Variants in TSPEAR observed in about 807,000 individuals in gnomAD.
TSPEAR encodes thrombospondin type laminin G domain and EAR repeats.
Under a neutral mutation model 71.6 loss-of-function variants are expected in TSPEAR, and 69 were observed. The ratio of observed to expected loss-of-function variants is 0.96; its 90% CI spans 0.79 to 1.18. The LOEUF (loss-of-function observed/expected upper bound fraction) is 1.18, where lower values mean the gene tolerates loss of function less well. TSPEAR is among the 50% of genes most tolerant of loss of function. TSPEAR has a pLI of 0.00. For synonymous variants in TSPEAR, 402 were observed against 387.2 expected (o/e 1.04, Z -0.45); for missense variants, 971 against 894.9 (o/e 1.09, Z -1.09).
intron 2 of TSPEAR, chr21:44,538,972 A>G (rs1555916724): frequency 1.2e-5 from 6 of 505,052 alleles, no homozygotes. Flanking sequence ...AACACAACAG[A>G]AAAGAGAATC....
At chr21:44,666,861 C>T (rs782510388) in intron 1 of TSPEAR, 15 of 1,613,568 alleles carry the variant, frequency 9.3e-6, no homozygotes, top group Admixed American at 1.7e-5. Context: ...TGGCTGGCAG[C>T]CCGAGGAGCA....
At chr21:44,637,912 C>T (rs1452255785) in intron 1 of TSPEAR, 7 of 1,532,198 alleles carry the variant, frequency 4.6e-6, no homozygotes. Flanking sequence ...CTGGGGCTTC[C>T]ACTTCATGCT....
intron 2 of TSPEAR, among the ~76,000 whole-genome samples, chr21:44,566,094 C>T (rs934139146): frequency 3.3e-5 from 5 of 152,142 alleles, no homozygotes; most frequent in African/African-American, 9.7e-5. Flanking sequence ...GCGGGAGAAT[C>T]GCTTGAACCC....
At chr21:44,557,573 G>A (rs1037763229) in intron 2 of TSPEAR, among the ~76,000 whole-genome samples, 1 of 152,124 alleles carries the variant, frequency 6.6e-6, no homozygotes, top group Non-Finnish European at 1.5e-5. Flanking sequence ...GGGTGTGGGG[G>A]ATTCACAGAG....
At chr21:44,638,210 G>A in intron 1 of TSPEAR, 2 of 1,572,866 alleles carry the variant, frequency 1.3e-6, no homozygotes. Context: ...TTCCCACCAG[G>A]GGCTGACCTC....
chr21:44,711,000 T>C lies in TSPEAR; in HGVS notation c.82+433A>G, dbSNP rs1988191133. On this transcript the variant is annotated intron_variant, in intron 1 of 11. Transcript: ENST00000323084. This position sits in a 1 kb window ranked among gnomAD's most constrained non-coding sequence, Gnocchi z 4.6. ...GGAAGGAGCAGGGCCGGTGTGGCCC[T>C]TCGCTTTGCTGAGTGCAGGCTGGGG... Among the ~76,000 whole-genome samples, 1 of 152,206 alleles carries C rather than the reference T, an allele frequency of 6.6e-6. No homozygotes were observed. Among genetic ancestry groups the C allele is most frequent in the Non-Finnish European group, 1.5e-5 (1 of 68,034 alleles).
At chr21:44,525,517 C>T (rs898419106) in intron 8 of TSPEAR, 136 bp downstream of exon 8, 42 of 945,036 alleles carry the variant, frequency 4.4e-5, no homozygotes, top group South Asian at 1.5e-4. Flanking sequence ...CAGTGAGGAA[C>T]GGTCCAGAAC....
chr21:44,683,915 C>T (rs1555948537), intron 1 of TSPEAR, among the ~76,000 whole-genome samples: 1 of 152,146 alleles, frequency 6.6e-6, no homozygotes. Context: ...AATCCTAGAA[C>T]TGAAAAGTAC....
intron 1 of TSPEAR, among the ~76,000 whole-genome samples, chr21:44,640,347 G>A (rs587644135): frequency 2.5e-4 from 38 of 152,342 alleles, no homozygotes; most frequent in African/African-American, 8.9e-4. Flanking sequence ...AGGCAAATCC[G>A]CAGAGAAAGG....
intron 1 of TSPEAR, among the ~76,000 whole-genome samples, chr21:44,606,177 A>C (rs1380925741): frequency 6.6e-6 from 1 of 151,622 alleles, no homozygotes; most frequent in African/African-American, 2.4e-5. Context: ...AAAAAAAAAA[A>C]AAAAAACTAC....
At chr21:44,551,505 A>AGTGTGTGAGTGAGTGT in intron 2 of TSPEAR, 4 of 1,549,282 alleles carry the variant, frequency 2.6e-6, no homozygotes, top group South Asian at 1.3e-5. Context: ...TGAGTGAGTG[A>AGTGTGTGAGTGAGTGT]GTGTGTGTGT....
intron 2 of TSPEAR, among the ~76,000 whole-genome samples, chr21:44,549,925 G>C (rs587634209): frequency 6.6e-6 from 1 of 152,208 alleles, no homozygotes; most frequent in Admixed American, 6.5e-5. Context: ...GTGAGTGTGC[G>C]CAGGAGGCCA....
At chr21:44,572,614 G>C (rs2053820937) in intron 1 of TSPEAR, among the ~76,000 whole-genome samples, 1 of 151,754 alleles carries the variant, frequency 6.6e-6, no homozygotes, top group African/African-American at 2.4e-5. Context: ...CCCGGGTTCT[G>C]CTCCCGTGCC....
intron 1 of TSPEAR, among the ~76,000 whole-genome samples, chr21:44,670,059 T>C (rs1377689592): frequency 6.6e-6 from 1 of 152,158 alleles, no homozygotes; most frequent in African/African-American, 2.4e-5. Flanking sequence ...TAATTCCCTT[T>C]TAATATCATT....
chr21:44,584,512 T>C (rs1601447101), intron 1 of TSPEAR, among the ~76,000 whole-genome samples: 1 of 152,242 alleles, frequency 6.6e-6, no homozygotes. Flanking sequence ...CTGTCTTCCA[T>C]AATGGCTGCA....
At chr21:44,508,430 C>T (rs1288589793) in intron 10 of TSPEAR, 5 of 1,010,438 alleles carry the variant, frequency 4.9e-6, no homozygotes, top group East Asian at 8.9e-5. Context: ...AAGCCGCCTG[C>T]TCCATCCCAG....
chr21:44,535,896 C>CAAAAAAA (rs10712664), intron 2 of TSPEAR, among the ~76,000 whole-genome samples: 4,157 of 136,714 alleles, frequency 0.03, 191 homozygotes, highest in African/African-American at 0.11. Flanking sequence ...CTATGTTTAT[C>CAAAAAAA]AAAAAAAAAA....
chr21:44,630,215 T>C (rs1983175871), intron 1 of TSPEAR, among the ~76,000 whole-genome samples: 1 of 152,186 alleles, frequency 6.6e-6, no homozygotes. Flanking sequence ...AAATAATTTC[T>C]TCTCTAAAGA....
At chr21:44,650,412 T>TGTGATGACGGCGGCAGAGACTGGGGCCAC (rs1569240976) in intron 1 of TSPEAR, among the ~76,000 whole-genome samples, 3 of 14,698 alleles carry the variant, frequency 2.0e-4, no homozygotes, top group African/African-American at 6.3e-4. Flanking sequence ...GAGAACGCCA[T>TGTGATGACGGCGGCAGAGACTGGGGCCAC]GTGACGACGG....
Sources: gnomAD v4.1 joint callset for allele counts (sites outside exome capture counted in the v4.1 genomes callset) on GRCh38, gnomAD v4.1.1 for gene constraint, Gnocchi (gnomAD v3.1) non-coding constraint, MANE v1.5 for transcripts, NCBI Gene and HGNC (gene_info 2026-07-23, HGNC 2026-07-21) for gene names.